The following CFHR5 variants were observed in gnomAD, a reference collection of about 807,000 sequenced individuals.
CFHR5 encodes the protein complement factor H related 5, also known as complement factor H-related protein 5.
Under a neutral mutation model 62.9 loss-of-function variants are expected in CFHR5, and 73 were observed. That is an observed-to-expected ratio of 1.16 (90% confidence interval 0.96 to 1.41). The LOEUF is 1.41. Among genes scored for constraint, CFHR5 ranks in the 40% most tolerant of loss-of-function variants. The pLI is 0.00. For missense variants in CFHR5, 779 were observed against 679.9 expected, an observed-to-expected ratio of 1.15 and a Z score of -1.62; for synonymous variants, 249 against 227.2, an observed-to-expected ratio of 1.10 and a Z score of -0.86.
intron 1 of CFHR5, among the ~76,000 whole-genome samples, chr1:196,979,338 T>C (rs988575584): frequency 6.6e-6 from 1 of 151,876 alleles, no homozygotes; most frequent in Non-Finnish European, 1.5e-5. Flanking sequence ...AGTGTGTCTA[T>C]AGGCAATTTC....
At chr1:196,981,225 A>T (rs1353694384) in intron 1 of CFHR5, among the ~76,000 whole-genome samples, 1 of 152,196 alleles carries the variant, frequency 6.6e-6, no homozygotes, top group East Asian at 1.9e-4. Flanking sequence ...TTCAGGAAAT[A>T]TCTTGAGCTA....
rs927240380 is a variant in CFHR5 at position 196,994,016 on chromosome 1, T to C, written c.431-64T>C. ...AAGCCCCTTGCATCTTATTTTTATA[T>C]AGCACACATTAAATTTGTTTCTGCA... On this transcript the variant is annotated intron_variant, in intron 3 of 9. Coordinates refer to ENST00000256785, the MANE Select transcript of CFHR5 (RefSeq NM_030787.4). The C allele has an allele frequency of 4.0e-6, 5 of 1,262,258 alleles. No individual in the cohort carries two copies. In the African/African-American group the frequency reaches 4.5e-5, roughly 11 times the overall value. The allele number at this position is 1,262,258 out of a possible 1,614,324, so 78.2% of individuals were successfully genotyped here.
upstream of CFHR5, among the ~76,000 whole-genome samples, chr1:196,976,293 T>C (rs1653392596): frequency 6.6e-6 from 1 of 152,186 alleles, no homozygotes; most frequent in Admixed American, 6.5e-5. Context: ...CCCCATTAAA[T>C]GTTAAATTTC....
At chr1:196,984,595 C>T (rs569825942) in intron 3 of CFHR5, among the ~76,000 whole-genome samples, 5 of 152,154 alleles carry the variant, frequency 3.3e-5, no homozygotes, top group African/African-American at 1.2e-4. Flanking sequence ...TATTTGTGAG[C>T]GGCTTAGAAT....
intron 8 of CFHR5, 139 bp from the exon 9 acceptor site, chr1:197,004,522 C>A: frequency 1.4e-6 from 1 of 711,650 alleles, no homozygotes; most frequent in Non-Finnish European, 2.4e-6. Context: ...TGTTTTGAAT[C>A]AGACTTTATG....
rs544773530 is a variant in CFHR5, at chr1:196,986,768, C to T, written c.430+2631C>T. ...CGCATTTTCTTAATCCAGTCTATCA[C>T]TTACGGACATTTGGGCTAGTTCCAG... is the stretch of plus-strand genomic sequence containing the variant. On this transcript the variant is annotated intron_variant, in intron 3 of 9. Transcript: ENST00000256785. Among the ~76,000 whole-genome samples the T allele has an allele frequency of 3.9e-4, 59 of 152,190 alleles. No individual in the cohort carries two copies. In the South Asian group the frequency reaches 0.012, roughly 30 times the overall value.
At chr1:196,993,226 G>A (rs1653895500) in intron 3 of CFHR5, among the ~76,000 whole-genome samples, 1 of 152,058 alleles carries the variant, frequency 6.6e-6, no homozygotes. Context: ...TTGTAAAACT[G>A]GGAATAATCT....
In CFHR5 at chr1:196,995,737, C is replaced by T. The variant is rs758964255; in HGVS notation, c.628C>T (p.Pro210Ser). The T allele has an allele frequency of 8.7e-6, 14 of 1,612,906 alleles. No homozygotes were observed. The South Asian group carries it at 1.5e-4, about 18-fold the overall frequency. The change falls in exon 5 of 10, where the codon CCA (proline) becomes TCA (serine). Residue 210 changes from proline (P) to serine (S), a missense_variant. Transcript: ENST00000256785. ...TCKGQVRSCG[P>S]PPQLSNGEVK... ...AATAGGACAAGTACGATCATGTGGT[C>T]CACCTCCTCAACTCTCCAATGGTGA... is the stretch of plus-strand genomic sequence containing the variant.
chr1:196,983,118 G>T (rs1205368019), intron 2 of CFHR5, 39 bp downstream of exon 2: 5 of 1,610,928 alleles, frequency 3.1e-6, no homozygotes, highest in Non-Finnish European at 4.2e-6. Flanking sequence ...ATGTCATTCA[G>T]TGAATAGAGA....
At chr1:196,977,519 T>C, upstream of CFHR5, 1 of 743,986 alleles carries the variant, frequency 1.3e-6, no homozygotes, top group Non-Finnish European at 2.5e-6. Flanking sequence ...AACTTTGATG[T>C]TTTCCACAAA....
At chr1:197,006,297 CA>C (rs778440323) in intron 9 of CFHR5, among the ~76,000 whole-genome samples, 14 of 151,946 alleles carry the variant, frequency 9.2e-5, no homozygotes, top group Non-Finnish European at 2.1e-4. Context: ...CGAAAACAAA[CA>C]AGCAAAAAAA....
intron 7 of CFHR5, among the ~76,000 whole-genome samples, chr1:196,999,355 TTA>T (rs1228505650): frequency 3.3e-5 from 5 of 151,784 alleles, no homozygotes; most frequent in Admixed American, 6.6e-5. Context: ...TTGAAGCCTT[TTA>T]TGTGTCCATG....
chr1:197,006,224 G>C (rs893161552), intron 9 of CFHR5, among the ~76,000 whole-genome samples: 1 of 151,946 alleles, frequency 6.6e-6, no homozygotes, highest in African/African-American at 2.4e-5. Context: ...AGAGTTTGTG[G>C]GAAGGGCATT....
At chr1:196,981,558 A>G (rs891153887) in intron 1 of CFHR5, among the ~76,000 whole-genome samples, 4 of 152,004 alleles carry the variant, frequency 2.6e-5, no homozygotes, top group Middle Eastern at 6.8e-3. Flanking sequence ...TATTTCACCC[A>G]TTTTCTACAT....
chr1:196,996,162 T>A lies in CFHR5; in HGVS notation c.931T>A (p.Cys311Ser). The change falls in exon 6 of 10, where the codon TGT (cysteine) becomes AGT (serine). Residue 311 changes from cysteine to serine, a missense_variant. Physicochemically the swap from Cys to Ser is moderately radical, Grantham distance 112. Transcript: ENST00000256785. ...YAMIGNNMIT[C>S]INGIWTELPM... ...AATGATTGGAAATAACATGATTACC[T>A]GTATTAATGGAATATGGACAGAGCT... is the stretch of plus-strand genomic sequence containing the variant. 1 of 1,613,072 alleles carries A rather than the reference T, an allele frequency of 6.2e-7. No homozygotes were observed. The highest frequency in any genetic ancestry group is 2.2e-5 in the East Asian group (1 of 44,836).
At chr1:196,987,253 G>T (rs918795431) in intron 3 of CFHR5, among the ~76,000 whole-genome samples, 1 of 152,144 alleles carries the variant, frequency 6.6e-6, no homozygotes, top group Non-Finnish European at 1.5e-5. Context: ...TGTAGATTCT[G>T]GCTATCAGCC....
chr1:197,004,845 T>A lies in CFHR5; in HGVS notation c.1513+2T>A. ...GGTCAGAACCACCAAGATGCCTAGGTGAGTTCTTAATATTCTCTTGGAATC... is the reference window on the plus strand; with the variant it reads ...GGTCAGAACCACCAAGATGCCTAGGAGAGTTCTTAATATTCTCTTGGAATC... On this transcript the variant is annotated splice_donor_variant, in intron 9 of 9. Transcript: ENST00000256785. LOFTEE classifies it high-confidence loss of function. The A allele has an allele frequency of 6.2e-7, 1 of 1,603,808 alleles. No individual in the cohort carries two copies. Among genetic ancestry groups the A allele is most frequent in the Non-Finnish European group, 8.5e-7 (1 of 1,171,006 alleles).
chr1:196,975,920 G>T (rs6702340), upstream of CFHR5, among the ~76,000 whole-genome samples: 29,491 of 152,008 alleles, frequency 0.19, 5,165 homozygotes, highest in African/African-American at 0.47. Context: ...GGGACTGACT[G>T]ACAGTGATGA....
intron 7 of CFHR5, among the ~76,000 whole-genome samples, chr1:196,999,153 G>A (rs2125036949): frequency 6.6e-6 from 1 of 151,950 alleles, no homozygotes; most frequent in African/African-American, 2.4e-5. Context: ...CAAAAAGTGT[G>A]ATGTCATTAG....
Sources: allele counts gnomAD v4.1 joint callset (sites outside exome capture counted in the v4.1 genomes callset), GRCh38; gene constraint gnomAD v4.1.1; transcripts MANE v1.5; gene names NCBI Gene and HGNC (gene_info 2026-07-23, HGNC 2026-07-21).